MACROD1: variants seen among roughly 807,000 people sequenced by gnomAD.
MACROD1 encodes mono-ADP ribosylhydrolase 1.
Under a neutral mutation model 41.4 loss-of-function variants are expected in MACROD1, and 31 were observed. That is an observed-to-expected ratio of 0.75 (90% CI 0.56 to 1.01). The LOEUF is 1.01. Among genes scored for constraint, MACROD1 ranks in the 50% least tolerant of loss-of-function variants. The pLI, the probability that MACROD1 is intolerant of heterozygous loss-of-function variation, is 0.00. For synonymous variants in MACROD1, 252 were observed against 203.4 expected, an observed-to-expected ratio of 1.24 and a Z score of -2.03; for missense variants, 473 against 460.0, an observed-to-expected ratio of 1.03 and a Z score of -0.26.
chr11:64,088,676 C>T (rs774491950), intron 3 of MACROD1, among the ~76,000 whole-genome samples: 4 of 152,156 alleles, frequency 2.6e-5, no homozygotes, highest in Admixed American at 1.3e-4. Context: ...GCAAGTCACT[C>T]GACCCCTCTG....
chr11:64,017,937 A>C (rs1943103741), intron 3 of MACROD1, among the ~76,000 whole-genome samples: 1 of 152,184 alleles, frequency 6.6e-6, no homozygotes, highest in Non-Finnish European at 1.5e-5. Context: ...CCCTGTGGGA[A>C]GGTGATGCCA....
intron 3 of MACROD1, among the ~76,000 whole-genome samples, chr11:64,128,030 T>G (rs1348202044): frequency 6.6e-6 from 1 of 152,198 alleles, no homozygotes; most frequent in Non-Finnish European, 1.5e-5. Flanking sequence ...TTCCTTATAT[T>G]CCAAAGAAGC....
chr11:64,093,973 C>T (rs756205494), intron 3 of MACROD1, among the ~76,000 whole-genome samples: 6 of 152,220 alleles, frequency 3.9e-5, no homozygotes, highest in Non-Finnish European at 7.3e-5. Context: ...ATAGAAAGCA[C>T]GGTGCCAGGG....
Position 63,998,832 on chromosome 11 carries a change from G to A in MACROD1, c.*30+6C>T, listed in dbSNP as rs768761068. 16 of 1,567,398 alleles carry A rather than the reference G, an allele frequency of 1.0e-5. No homozygotes were observed. In the African/African-American group the frequency reaches 2.2e-4, roughly 21 times the overall value. On this transcript the variant is annotated splice_donor_region_variant and intron_variant, in intron 10 of 10. Coordinates refer to ENST00000255681, the MANE Select transcript of MACROD1 (RefSeq NM_014067.4). ...GGGCCGCCGCACGGGGCGAGGCCCT[G>A]CTTACCAGTCCCGGTCAGGGTGGGC... is the stretch of plus-strand genomic sequence containing the variant.
At chr11:64,158,632 C>A (rs548967182) in intron 1 of MACROD1, among the ~76,000 whole-genome samples, 1 of 152,090 alleles carries the variant, frequency 6.6e-6, no homozygotes, top group Admixed American at 6.6e-5. Context: ...GCTTGGAGAG[C>A]GAGGAAGCAG....
chr11:64,070,397 T>C (rs781139575), intron 3 of MACROD1, among the ~76,000 whole-genome samples: 4 of 151,998 alleles, frequency 2.6e-5, no homozygotes, highest in Non-Finnish European at 4.4e-5. Flanking sequence ...TCCTATAAAA[T>C]AGAGCCGGCC....
chr11:64,069,791 T>TGCAGACGCA (rs1161785992), intron 3 of MACROD1, among the ~76,000 whole-genome samples: 3 of 152,330 alleles, frequency 2.0e-5, no homozygotes, highest in South Asian at 4.1e-4. Flanking sequence ...TGCCGGCCAC[T>TGCAGACGCA]GCAGACGCAG....
intron 3 of MACROD1, among the ~76,000 whole-genome samples, chr11:64,078,234 C>T (rs2134481767): frequency 6.6e-6 from 1 of 152,292 alleles, no homozygotes; most frequent in East Asian, 1.9e-4. Flanking sequence ...ACGTGCCCTC[C>T]AGAAGGGAGG....
chr11:64,061,873 CTTTTTTTTTTTT>C, intron 3 of MACROD1, among the ~76,000 whole-genome samples: 1 of 99,118 alleles, frequency 1.0e-5, no homozygotes, highest in East Asian at 3.0e-4. Context: ...ACCACGCTGG[CTTTTTTTTTTTT>C]TTTTTTTTTT....
At position 64,090,870 on chromosome 11, in the gene MACROD1, G is replaced by A. The variant is rs1028099966; in HGVS notation, c.517+60369C>T. On this transcript the variant is annotated intron_variant, in intron 3 of 10. Transcript: ENST00000255681. This position sits in a 1 kb window ranked among gnomAD's most constrained non-coding sequence, Gnocchi z 4.7. ...GCACTCCCAGGGAGCCCTGAGGGAC[G>A]AAGTAAAGCAGGAGAGGGCAGGGGG... Among the ~76,000 whole-genome samples the A allele has an allele frequency of 2.6e-5, 4 of 152,024 alleles. No individual in the cohort carries two copies. The highest frequency in any genetic ancestry group is 1.5e-5 in the Non-Finnish European group (1 of 68,012).
chr11:64,069,426 T>C (rs1944064964), intron 3 of MACROD1, among the ~76,000 whole-genome samples: 1 of 152,180 alleles, frequency 6.6e-6, no homozygotes, highest in Non-Finnish European at 1.5e-5. Flanking sequence ...TCAGGGACCC[T>C]GGGGGTCTTG....
At chr11:64,045,563 G>A (rs1943569354) in intron 3 of MACROD1, among the ~76,000 whole-genome samples, 1 of 152,156 alleles carries the variant, frequency 6.6e-6, no homozygotes, top group Non-Finnish European at 1.5e-5. Flanking sequence ...AATTTGGTAG[G>A]TAGGGGGTGA....
rs1216448223 is a variant in MACROD1, at chr11:63,998,587, C to CG, written c.*130dup. ...ACAACGAGATCTTTATTAGGCTCCT[C>CG]GGGGGCGGGGCGCGGAGGGAAAGAA... On this transcript the variant is annotated 3_prime_UTR_variant, in exon 11 of 11. Coordinates refer to ENST00000255681, the MANE Select transcript of MACROD1 (RefSeq NM_014067.4). The CG allele has an allele frequency of 1.6e-6, 2 of 1,263,360 alleles. No individual in the cohort carries two copies. Among genetic ancestry groups the CG allele is most frequent in the African/African-American group, 1.6e-5 (1 of 64,450 alleles). 78.3% of individuals were successfully genotyped at this position (1,263,360 alleles called of 1,614,324 possible).
At chr11:64,048,039 G>A in intron 3 of MACROD1, among the ~76,000 whole-genome samples, 1 of 152,184 alleles carries the variant, frequency 6.6e-6, no homozygotes, top group South Asian at 2.1e-4. Context: ...TGGGGATGCT[G>A]GCAGGCCCTG....
intron 3 of MACROD1, among the ~76,000 whole-genome samples, chr11:64,017,041 C>T (rs1275955451): frequency 6.6e-6 from 1 of 152,228 alleles, no homozygotes; most frequent in East Asian, 1.9e-4. Flanking sequence ...ACCATCTCGG[C>T]TCGCTGCAAC....
chr11:64,151,011 T>A (rs1027924405), intron 3 of MACROD1, among the ~76,000 whole-genome samples: 1 of 152,130 alleles, frequency 6.6e-6, no homozygotes, highest in Non-Finnish European at 1.5e-5. Flanking sequence ...CCCCGGCCAC[T>A]AATGGGTCTC....
intron 3 of MACROD1, among the ~76,000 whole-genome samples, chr11:64,024,366 G>A (rs1943197987): frequency 6.6e-6 from 1 of 152,218 alleles, no homozygotes; most frequent in Non-Finnish European, 1.5e-5. Context: ...CCCGTTGAGG[G>A]GGTCCTATGA....
In MACROD1 at chr11:63,999,684, C is replaced by T. The variant is rs1409628346; in HGVS notation, c.744G>A (p.Leu248=). 1.2e-6 allele frequency: 2 copies of T among 1,609,198 alleles called. No individual in the cohort carries two copies. The highest frequency in any genetic ancestry group is 2.2e-5 in the East Asian group (1 of 44,820). ...SQAAELRSCY[L]SSLDLLLEHR... ...GCTCCAGCAGCAGGTCCAGACTGCTCAGGTAGCAGCTGCGGAGCTCGGCAG... is the reference window on the plus strand; with the variant it reads ...GCTCCAGCAGCAGGTCCAGACTGCTTAGGTAGCAGCTGCGGAGCTCGGCAG... Residue 248 remains leucine, a synonymous_variant, in exon 6 of 11, where the codon CTG becomes CTA. Coordinates refer to ENST00000255681, the MANE Select transcript of MACROD1 (RefSeq NM_014067.4).
chr11:64,163,289 A>G (rs1408384991), intron 1 of MACROD1, among the ~76,000 whole-genome samples: 1 of 152,216 alleles, frequency 6.6e-6, no homozygotes, highest in Non-Finnish European at 1.5e-5. Flanking sequence ...AAAAAGAGTG[A>G]AACTGTCTCA....
Sources: gnomAD v4.1 joint callset for allele counts (sites outside exome capture counted in the v4.1 genomes callset) on GRCh38, gnomAD v4.1.1 for gene constraint, Gnocchi (gnomAD v3.1) non-coding constraint, MANE v1.5 for transcripts, NCBI Gene and HGNC (gene_info 2026-07-23, HGNC 2026-07-21) for gene names.